The following CUX2 variants were observed in gnomAD, a reference collection of about 807,000 sequenced individuals.
CUX2 encodes the protein cut like homeobox 2, also known as homeobox protein cut-like 2.
Under a neutral mutation model 144.8 loss-of-function variants are expected in CUX2, and 40 were observed. That is an observed-to-expected ratio of 0.28 (90% CI 0.21 to 0.36). The LOEUF is 0.36. CUX2 is among the 10% of genes least tolerant of loss of function. The pLI is 1.00. For missense variants in CUX2, 1,615 were observed against 1,994.0 expected, an observed-to-expected ratio of 0.81 and a Z score of 3.62; for synonymous variants, 827 against 875.6, an observed-to-expected ratio of 0.94 and a Z score of 0.98.
chr12:111,081,952 G>A (rs376525900), intron 1 of CUX2, among the ~76,000 whole-genome samples: 1 of 152,184 alleles, frequency 6.6e-6, no homozygotes, highest in South Asian at 2.1e-4. Flanking sequence ...CCAGCCTCAG[G>A]AGTTGGCATA....
chr12:111,211,518 G>A (rs945099815), intron 1 of CUX2, among the ~76,000 whole-genome samples: 1 of 152,126 alleles, frequency 6.6e-6, no homozygotes, highest in Non-Finnish European at 1.5e-5. Context: ...TTAATGAGAG[G>A]CAAAGTTCAC....
intron 1 of CUX2, among the ~76,000 whole-genome samples, chr12:111,153,684 A>G (rs982928846): frequency 1.3e-5 from 2 of 152,194 alleles, no homozygotes; most frequent in African/African-American, 2.4e-5. Context: ...TGGAGCCTCT[A>G]TTCTACTGGA....
At chr12:111,195,480 G>T (rs1479907864) in intron 1 of CUX2, among the ~76,000 whole-genome samples, 1 of 152,234 alleles carries the variant, frequency 6.6e-6, no homozygotes, top group Non-Finnish European at 1.5e-5. Flanking sequence ...CCAGCCTCCG[G>T]TGTGAGATTT....
At chr12:111,163,594 A>C (rs1341806344) in intron 1 of CUX2, among the ~76,000 whole-genome samples, 1 of 152,210 alleles carries the variant, frequency 6.6e-6, no homozygotes, top group Non-Finnish European at 1.5e-5. Context: ...AAAGAGATCA[A>C]ACCCTGCCAA....
intron 1 of CUX2, chr12:111,099,854 G>T (rs1050551521): frequency 7.1e-6 from 3 of 423,768 alleles, no homozygotes; most frequent in African/African-American, 6.1e-5. Context: ...GGAGGCGAGG[G>T]ACCGTCTGGC....
At chr12:111,343,280 C>G (rs1394223540) in intron 21 of CUX2, among the ~76,000 whole-genome samples, 1 of 152,128 alleles carries the variant, frequency 6.6e-6, no homozygotes, top group Non-Finnish European at 1.5e-5. Context: ...GCTCTTCCCA[C>G]TCTTGACTCC....
At chr12:111,210,000 G>T (rs1881125142) in intron 1 of CUX2, among the ~76,000 whole-genome samples, 1 of 152,224 alleles carries the variant, frequency 6.6e-6, no homozygotes, top group South Asian at 2.1e-4. Context: ...CCCTGCCTGG[G>T]CCTGGCCCAA....
At chr12:111,107,848 G>T (rs1445623127) in intron 1 of CUX2, among the ~76,000 whole-genome samples, 2 of 151,898 alleles carry the variant, frequency 1.3e-5, no homozygotes, top group African/African-American at 4.8e-5. Flanking sequence ...ACAGTACAAA[G>T]AATTCCCCAG....
chr12:111,312,662 TG>T lies in CUX2; in HGVS notation c.2002+462del, dbSNP rs1288311093. 6.6e-6 allele frequency among the ~76,000 whole-genome samples: 1 copy of T among 151,324 alleles called. No homozygotes were observed. The highest frequency in any genetic ancestry group is 1.9e-4 in the East Asian group (1 of 5,142). On this transcript the variant is annotated intron_variant, in intron 16 of 21. Transcript: ENST00000261726. The surrounding 1 kb of genome is among the most constrained non-coding windows in gnomAD (Gnocchi z 4.3). ...TTGCAGTGAGCCGAGATCACACCAC[TG>T]CACTCCAGCCTAGGTGACAAAGCAA... is the stretch of plus-strand genomic sequence containing the variant.
chr12:111,311,594 A>ATTTTTTTTTTTTTTTTTTT (rs767367160), intron 15 of CUX2, among the ~76,000 whole-genome samples: 1 of 133,678 alleles, frequency 7.5e-6, no homozygotes. Flanking sequence ...CTATTTCTTT[A>ATTTTTTTTTTTTTTTTTTT]TTATTATTAT....
At chr12:111,187,099 C>T (rs1467010427) in intron 1 of CUX2, among the ~76,000 whole-genome samples, 1 of 152,186 alleles carries the variant, frequency 6.6e-6, no homozygotes, top group African/African-American at 2.4e-5. Context: ...TATTTTTACG[C>T]TCTAAGTATG....
chr12:111,061,178 G>GCACACA lies in CUX2; in HGVS notation c.63+26971_63+26976dup, dbSNP rs10525230. The stretch of plus-strand genomic sequence containing the variant: ...TGTCCCCAGATGTGTGCATGCATAT[G>GCACACA]CACACACACACACACACACACACAC... On this transcript the variant is annotated intron_variant, in intron 1 of 21. Transcript: ENST00000261726. The surrounding 1 kb of genome is among the most constrained non-coding windows in gnomAD (Gnocchi z 4.2). Among the ~76,000 whole-genome samples, 13,777 of 143,562 alleles carry GCACACA rather than the reference G, an allele frequency of 0.096. 667 individuals carry two copies. Among genetic ancestry groups the GCACACA allele is most frequent in the African/African-American group, 0.11 (4,274 of 39,296 alleles). The allele number at this position is 143,562 out of a possible 152,430, so 94.2% of individuals were successfully genotyped here. A position where few individuals can be genotyped will look rare whatever the true frequency, so the allele number is the denominator to read the frequency against.
chr12:111,046,120 C>T (rs983090509), intron 1 of CUX2, among the ~76,000 whole-genome samples: 3 of 152,228 alleles, frequency 2.0e-5, no homozygotes, highest in Non-Finnish European at 4.4e-5. Context: ...TAACCTGGGT[C>T]TTCCTCCCAG....
rs1179475847 is a variant in CUX2 at position 111,235,647 on chromosome 12, G to A, written c.222+17710G>A. Among the ~76,000 whole-genome samples the A allele has an allele frequency of 1.3e-5, 2 of 152,118 alleles. 1 individual carries two copies. Among genetic ancestry groups the A allele is most frequent in the Admixed American group, 1.3e-4 (2 of 15,272 alleles). Reference sequence around the variant, plus strand: ...GAGGCAGGAGAATTGCTTGAACTCTGGAGGCAGAGATTGCAGTGAGCTGAG... The same window carrying A: ...GAGGCAGGAGAATTGCTTGAACTCTAGAGGCAGAGATTGCAGTGAGCTGAG... On this transcript the variant is annotated intron_variant, in intron 3 of 21. Coordinates refer to ENST00000261726, the MANE Select transcript of CUX2 (RefSeq NM_015267.4).
intron 4 of CUX2, among the ~76,000 whole-genome samples, chr12:111,274,740 G>A (rs999507535): frequency 5.3e-5 from 8 of 152,156 alleles, no homozygotes; most frequent in African/African-American, 1.2e-4. Context: ...GCAGGCGCCC[G>A]GAGCCTGGGC....
At chr12:111,058,716 G>A (rs1218821442) in intron 1 of CUX2, among the ~76,000 whole-genome samples, 2 of 152,100 alleles carry the variant, frequency 1.3e-5, no homozygotes, top group East Asian at 3.9e-4. Context: ...GGTCCCGAGC[G>A]AGACCCCAAG....
intron 1 of CUX2, among the ~76,000 whole-genome samples, chr12:111,150,313 CA>C (rs1250745098): frequency 5.3e-5 from 8 of 152,152 alleles, no homozygotes; most frequent in African/African-American, 1.7e-4. Context: ...CTCCTCCCCC[CA>C]AAAAAGGGCC....
intron 1 of CUX2, among the ~76,000 whole-genome samples, chr12:111,126,335 C>T (rs1875084759): frequency 6.6e-6 from 1 of 152,130 alleles, no homozygotes; most frequent in Non-Finnish European, 1.5e-5. Flanking sequence ...TCTCAAACTC[C>T]TGACCTCAAG....
chr12:111,172,812 G>C (rs1162118254), intron 1 of CUX2, among the ~76,000 whole-genome samples: 2 of 152,234 alleles, frequency 1.3e-5, no homozygotes, highest in African/African-American at 2.4e-5. Flanking sequence ...TTTGGAAAAC[G>C]TAAGTAAGGA....
Sources: allele counts gnomAD v4.1 joint callset (sites outside exome capture counted in the v4.1 genomes callset), GRCh38; gene constraint gnomAD v4.1.1; non-coding constraint Gnocchi (gnomAD v3.1); transcripts MANE v1.5; gene names NCBI Gene and HGNC (gene_info 2026-07-23, HGNC 2026-07-21).